SMARCD1: variants seen among roughly 807,000 people sequenced by gnomAD.
SMARCD1 encodes SWI/SNF-related matrix-associated actin-dependent regulator of chromatin subfamily D member 1.
In SMARCD1, 16 loss-of-function variants were observed where a neutral mutation model predicts 70.8. The observed-to-expected ratio is 0.23, with a 90% CI of 0.15 to 0.34. The LOEUF (loss-of-function observed/expected upper bound fraction) is 0.34, where lower values mean the gene tolerates loss of function less well. SMARCD1 is among the 10% of genes least tolerant of loss of function. The pLI is 1.00. For missense variants in SMARCD1, 409 were observed against 655.5 expected, an observed-to-expected ratio of 0.62 and a Z score of 4.11; for synonymous variants, 249 against 246.0, an observed-to-expected ratio of 1.01 and a Z score of -0.11.
At position 50,099,410 on chromosome 12, in the gene SMARCD1, GC is replaced by G; in HGVS notation, c.*412del. 2.2e-6 allele frequency: 1 copy of G among 447,938 alleles called. No individual in the cohort carries two copies. Among genetic ancestry groups the G allele is most frequent in the South Asian group, 7.1e-5 (1 of 14,168 alleles). The allele number at this position is 447,938 out of a possible 1,614,324, so 27.7% of individuals were successfully genotyped here. A position where few individuals can be genotyped will look rare whatever the true frequency, so the allele number is the denominator to read the frequency against. Reference sequence around the variant, plus strand: ...CTTTCGCTCCTTCTCCAAGACTCAGGCCTGTGGGCACTCTATAAGCTAGTTG... The same window carrying G: ...CTTTCGCTCCTTCTCCAAGACTCAGGCTGTGGGCACTCTATAAGCTAGTTG... On this transcript the variant is annotated 3_prime_UTR_variant, in exon 13 of 13. Coordinates refer to ENST00000394963, the MANE Select transcript of SMARCD1 (RefSeq NM_003076.5).
At chr12:50,086,935 C>T in intron 4 of SMARCD1, 57 bp downstream of exon 4, 1 of 1,577,388 alleles carries the variant, frequency 6.3e-7, no homozygotes, top group Non-Finnish European at 8.7e-7. Flanking sequence ...GAACCTTCAG[C>T]AGAATTAGGA....
intron 9 of SMARCD1, among the ~76,000 whole-genome samples, chr12:50,092,640 A>G (rs971509191): frequency 2.0e-5 from 3 of 152,000 alleles, no homozygotes; most frequent in Non-Finnish European, 4.4e-5. Context: ...TCCTCAACCT[A>G]TAAATTAGGT....
chr12:50,085,544 C>G lies in SMARCD1; in HGVS notation c.175C>G (p.Pro59Ala). The G allele has an allele frequency of 8.1e-7, 1 of 1,232,924 alleles. No homozygotes were observed. 76.4% of individuals were successfully genotyped at this position (1,232,924 alleles called of 1,614,324 possible). A position where few individuals can be genotyped will look rare whatever the true frequency, so the allele number is the denominator to read the frequency against. Reference protein sequence around the residue: ...YRSPMPGAAYPRPGMLPGSRM... With the variant: ...YRSPMPGAAYARPGMLPGSRM... ...CTCCCCGATGCCCGGAGCGGCCTAT[C>G]CGGTGAGTGGGGCAGGAGGAGGGGC... Residue 59 changes from proline to alanine, a missense_variant and splice_region_variant, in exon 1 of 13, where the codon CCG (proline) becomes GCG (alanine). Pro to Ala is a conservative substitution (Grantham distance 27). This residue lies in a region of SMARCD1 where 140 missense variants were observed against 156.9 expected (regional missense o/e 0.89). Coordinates refer to ENST00000394963, the MANE Select transcript of SMARCD1 (RefSeq NM_003076.5).
Position 50,100,032 on chromosome 12 carries a change from C to T in SMARCD1, c.*1032C>T, listed in dbSNP as rs1045870383. ...ATAGCGCTGAGTTGGGTTTGTGACT[C>T]TTCCCTCTCCCTGCCTCACAGGATT... is the stretch of plus-strand genomic sequence containing the variant. On this transcript the variant is annotated 3_prime_UTR_variant, in exon 13 of 13. Transcript: ENST00000394963. 11 of 152,754 alleles carry T rather than the reference C, an allele frequency of 7.2e-5. No individual in the cohort carries two copies. The highest frequency in any genetic ancestry group is 7.2e-4 in the Admixed American group (11 of 15,284). The allele number at this position is 152,754 out of a possible 1,614,324, so 9.5% of individuals were successfully genotyped here.
chr12:50,090,480 C>G lies in SMARCD1; in HGVS notation c.1036-13C>G. The G allele has an allele frequency of 6.2e-7, 1 of 1,613,668 alleles. No homozygotes were observed. Among genetic ancestry groups the G allele is most frequent in the Non-Finnish European group, 8.5e-7 (1 of 1,179,576 alleles). On this transcript the variant is annotated splice_polypyrimidine_tract_variant and intron_variant, in intron 8 of 12. Coordinates refer to ENST00000394963, the MANE Select transcript of SMARCD1 (RefSeq NM_003076.5). ...TCAAACTGCTAACCTCGTGCTTCTCCCCTTTGCTACAGATCTTTGAGTCTC... is the reference window on the plus strand; with the variant it reads ...TCAAACTGCTAACCTCGTGCTTCTCGCCTTTGCTACAGATCTTTGAGTCTC...
intron 1 of SMARCD1, 69 bp from the exon 2 acceptor site, chr12:50,086,092 C>G (rs964793470): frequency 2.9e-5 from 36 of 1,241,768 alleles, no homozygotes; most frequent in Non-Finnish European, 3.9e-5. Context: ...CAGGCGTTCC[C>G]TGCTTTTCTT....
intron 9 of SMARCD1, among the ~76,000 whole-genome samples, chr12:50,091,689 T>C (rs1022781013): frequency 2.7e-5 from 4 of 150,582 alleles, no homozygotes; most frequent in Non-Finnish European, 5.9e-5. Flanking sequence ...CAATTCTCCC[T>C]CCCCAGCCTC....
intron 10 of SMARCD1, among the ~76,000 whole-genome samples, chr12:50,096,173 A>C (rs1032867096): frequency 6.6e-6 from 1 of 152,090 alleles, no homozygotes; most frequent in Non-Finnish European, 1.5e-5. Context: ...GAATTGAAGG[A>C]ATTTGGCCAC....
At chr12:50,097,044 C>T in intron 11 of SMARCD1, 72 bp downstream of exon 11, 1 of 1,425,806 alleles carries the variant, frequency 7.0e-7, no homozygotes, top group Non-Finnish European at 9.4e-7. Flanking sequence ...CATGTAGCAG[C>T]TGGTAGGAGA....
intron 9 of SMARCD1, among the ~76,000 whole-genome samples, chr12:50,093,274 T>C (rs1423658390): frequency 2.0e-5 from 3 of 150,030 alleles, no homozygotes; most frequent in African/African-American, 7.4e-5. Context: ...CTGCAACCGC[T>C]GCCTCCCAGG....
chr12:50,087,892 A>G (rs1950805975), intron 5 of SMARCD1, among the ~76,000 whole-genome samples: 1 of 151,896 alleles, frequency 6.6e-6, no homozygotes, highest in South Asian at 2.1e-4. Context: ...TTTAAGTAGG[A>G]TAGATTTCTC....
chr12:50,095,278 T>C (rs1950882636), intron 10 of SMARCD1, among the ~76,000 whole-genome samples: 1 of 152,064 alleles, frequency 6.6e-6, no homozygotes, highest in Non-Finnish European at 1.5e-5. Context: ...TTTGGGAACA[T>C]GAAGGAGAAA....
intron 11 of SMARCD1, 95 bp from the exon 12 acceptor site, chr12:50,098,619 G>A: frequency 1.0e-6 from 1 of 971,300 alleles, no homozygotes; most frequent in South Asian, 1.4e-5. Context: ...CAACATTTTG[G>A]GGAAGGATAC....
intron 10 of SMARCD1, 104 bp downstream of exon 10, chr12:50,094,676 T>C (rs970664323): frequency 1.5e-5 from 17 of 1,116,356 alleles, no homozygotes; most frequent in Non-Finnish European, 2.2e-5. Flanking sequence ...TGACACCCAG[T>C]ATATGTCAGG....
At chr12:50,091,031 A>G (rs1369116668) in intron 9 of SMARCD1, among the ~76,000 whole-genome samples, 1 of 151,744 alleles carries the variant, frequency 6.6e-6, no homozygotes, top group Non-Finnish European at 1.5e-5. Context: ...TCACCATGTT[A>G]GCCAGGATGG....
intron 6 of SMARCD1, 82 bp downstream of exon 6, chr12:50,088,719 G>A: frequency 1.3e-6 from 1 of 757,612 alleles, no homozygotes; most frequent in Non-Finnish European, 2.3e-6. Flanking sequence ...CTAAGGAGAT[G>A]GGGAGGTATA....
chr12:50,085,594 C>T (rs1950779928), intron 1 of SMARCD1, 48 bp downstream of exon 1: 3 of 897,178 alleles, frequency 3.3e-6, no homozygotes, highest in South Asian at 5.3e-5. Context: ...CGGGGCCGAG[C>T]GGGGACATGG....
chr12:50,088,512 C>G lies in SMARCD1; in HGVS notation c.655-9C>G, dbSNP rs183440725. The G allele has an allele frequency of 1.4e-6, 2 of 1,456,398 alleles. No homozygotes were observed. Among genetic ancestry groups the G allele is most frequent in the Non-Finnish European group, 1.9e-6 (2 of 1,058,618 alleles). 90.2% of individuals were successfully genotyped at this position (1,456,398 alleles called of 1,614,324 possible). A position where few individuals can be genotyped will look rare whatever the true frequency, so the allele number is the denominator to read the frequency against. ...TTTCCTAATGTGATTTTTATTTTCT[C>G]TCCTCTAGTCAGCCTTGTCCAAATA... On this transcript the variant is annotated splice_polypyrimidine_tract_variant and intron_variant, in intron 5 of 12. Coordinates refer to ENST00000394963, the MANE Select transcript of SMARCD1 (RefSeq NM_003076.5).
At chr12:50,088,443 G>T in intron 5 of SMARCD1, 78 bp from the exon 6 acceptor site, 1 of 779,934 alleles carries the variant, frequency 1.3e-6, no homozygotes. Context: ...TGTTGTTGGG[G>T]TTCCTTTTTC....
Sources: gnomAD v4.1 joint callset for allele counts (sites outside exome capture counted in the v4.1 genomes callset) on GRCh38, gnomAD v4.1.1 for gene constraint, gnomAD v4.1.1 regional missense constraint, MANE v1.5 for transcripts, NCBI Gene and HGNC (gene_info 2026-07-23, HGNC 2026-07-21) for gene names.